The following IL1RAPL1 variants were observed in gnomAD, a reference collection of about 807,000 sequenced individuals.
The protein encoded by IL1RAPL1 is interleukin 1 receptor accessory protein like 1, also known as interleukin-1 receptor accessory protein-like 1.
In IL1RAPL1, 3 loss-of-function variants were observed where a neutral mutation model predicts 48.4. That is an observed-to-expected ratio of 0.06 (90% CI 0.03 to 0.16). The LOEUF (loss-of-function observed/expected upper bound fraction) is 0.16, where lower values mean the gene tolerates loss of function less well. Among genes scored for constraint, IL1RAPL1 ranks in the 10% least tolerant of loss-of-function variants. The pLI, the probability that IL1RAPL1 is intolerant of heterozygous loss-of-function variation, is 1.00. For synonymous variants in IL1RAPL1, 185 were observed against 187.7 expected, an observed-to-expected ratio of 0.99 and a Z score of 0.12; for missense variants, 349 against 530.6, an observed-to-expected ratio of 0.66 and a Z score of 3.36.
intron 2 of IL1RAPL1, among the ~76,000 whole-genome samples, chrX:29,103,676 G>A (rs1043253118): frequency 5.4e-5 from 6 of 111,326 alleles, no homozygotes; most frequent in Non-Finnish European, 1.1e-4. Flanking sequence ...TCAGAAAAGA[G>A]AAGACACAGC....
chrX:29,418,108 TATATA>T, intron 5 of IL1RAPL1, among the ~76,000 whole-genome samples: 1 of 41,379 alleles, frequency 2.4e-5, no homozygotes, highest in South Asian at 1.2e-3. Context: ...TATATATATA[TATATA>T]TATATATATA....
At chrX:29,381,901 A>T (rs1170758926) in intron 3 of IL1RAPL1, among the ~76,000 whole-genome samples, 3 of 104,758 alleles carry the variant, frequency 2.9e-5, no homozygotes, top group African/African-American at 7.1e-5. Flanking sequence ...TAGACATAAT[A>T]AATGGTAGAT....
chrX:29,701,266 T>C (rs1265764398), intron 6 of IL1RAPL1, among the ~76,000 whole-genome samples: 1 of 111,868 alleles, frequency 8.9e-6, no homozygotes, highest in Non-Finnish European at 1.9e-5. Flanking sequence ...TTTAATACCT[T>C]GATGTTCAAT....
intron 2 of IL1RAPL1, among the ~76,000 whole-genome samples, chrX:29,098,629 A>G (rs1358439413): frequency 8.9e-6 from 1 of 111,827 alleles, no homozygotes; most frequent in Non-Finnish European, 1.9e-5. Flanking sequence ...GCCTTGAGTC[A>G]GAATCTGAAA....
At chrX:28,876,447 A>C (rs781486309) in intron 2 of IL1RAPL1, among the ~76,000 whole-genome samples, 92 of 111,927 alleles carry the variant, frequency 8.2e-4, no homozygotes, top group African/African-American at 2.8e-3. Flanking sequence ...CAGATTTAGA[A>C]GAGCATTAGA....
At chrX:28,989,723 C>T (rs765148505) in intron 2 of IL1RAPL1, among the ~76,000 whole-genome samples, 3 of 111,796 alleles carry the variant, frequency 2.7e-5, no homozygotes, top group South Asian at 3.7e-4. Context: ...TCAAGATTTC[C>T]CTGTGAACAT....
chrX:29,699,082 C>G (rs1298045817), intron 6 of IL1RAPL1, among the ~76,000 whole-genome samples: 1 of 111,947 alleles, frequency 8.9e-6, no homozygotes, highest in Admixed American at 9.5e-5. Context: ...ATTAATTCAT[C>G]TTTTTTAACA....
At position 29,677,732 on chromosome X, in the gene IL1RAPL1, C is replaced by T. The variant is rs956943354; in HGVS notation, c.778+9228C>T. ...AAATGTCCTCATTGTGACTTTCTGC[C>T]TCCTCTGAGGAAATATTACATTTTA... On this transcript the variant is annotated intron_variant, in intron 6 of 10. Transcript: ENST00000378993. 2.7e-5 allele frequency among the ~76,000 whole-genome samples: 3 copies of T among 112,185 alleles called. No individual in the cohort carries two copies. The Admixed American group carries it at 2.8e-4, about 11-fold the overall frequency.
intron 2 of IL1RAPL1, among the ~76,000 whole-genome samples, chrX:28,848,340 A>C (rs1178736537): frequency 9.0e-6 from 1 of 111,195 alleles, no homozygotes; most frequent in African/African-American, 3.3e-5. Flanking sequence ...TAAATAAATA[A>C]ATAAAATGAA....
At chrX:29,082,909 G>C (rs930605333) in intron 2 of IL1RAPL1, among the ~76,000 whole-genome samples, 11 of 111,651 alleles carry the variant, frequency 9.9e-5, no homozygotes, top group African/African-American at 3.6e-4. Flanking sequence ...AATCCAAGGA[G>C]GATGTAACAT....
intron 6 of IL1RAPL1, among the ~76,000 whole-genome samples, chrX:29,695,571 G>C (rs1173003353): frequency 9.5e-6 from 1 of 105,273 alleles, no homozygotes; most frequent in Non-Finnish European, 1.9e-5. Context: ...TTCTCATTTA[G>C]ACTTTCCTTG....
intron 2 of IL1RAPL1, among the ~76,000 whole-genome samples, chrX:29,135,085 TA>T (rs1929097772): frequency 8.9e-6 from 1 of 112,186 alleles, no homozygotes; most frequent in Admixed American, 9.5e-5. Flanking sequence ...TATCATCAAA[TA>T]TCTAAATAAT....
At chrX:29,839,358 C>G (rs931943750) in intron 6 of IL1RAPL1, among the ~76,000 whole-genome samples, 2 of 111,977 alleles carry the variant, frequency 1.8e-5, no homozygotes, top group Non-Finnish European at 3.8e-5. Context: ...TATTTATGCA[C>G]TCCCATTTAT....
At chrX:29,041,348 C>T (rs1926841996) in intron 2 of IL1RAPL1, among the ~76,000 whole-genome samples, 1 of 111,461 alleles carries the variant, frequency 9.0e-6, no homozygotes, top group Non-Finnish European at 1.9e-5. Flanking sequence ...TGCATGTAGC[C>T]ACCAACTTTT....
At chrX:28,745,606 A>G (rs1935965705) in intron 1 of IL1RAPL1, among the ~76,000 whole-genome samples, 1 of 111,775 alleles carries the variant, frequency 8.9e-6, no homozygotes, top group African/African-American at 3.3e-5. Flanking sequence ...TCTACATTTC[A>G]GAGTTATTAG....
At chrX:29,703,534 G>A (rs964867857) in intron 6 of IL1RAPL1, among the ~76,000 whole-genome samples, 1 of 110,848 alleles carries the variant, frequency 9.0e-6, no homozygotes, top group Non-Finnish European at 1.9e-5. Context: ...TAGTAGAGAC[G>A]GGGTTTCACC....
At chrX:29,520,879 A>G (rs1006693611) in intron 5 of IL1RAPL1, among the ~76,000 whole-genome samples, 1 of 111,382 alleles carries the variant, frequency 9.0e-6, no homozygotes, top group Non-Finnish European at 1.9e-5. Flanking sequence ...TTTTGCCATG[A>G]AGAGGGAGAA....
At chrX:29,101,567 C>T (rs1928337952) in intron 2 of IL1RAPL1, among the ~76,000 whole-genome samples, 1 of 111,693 alleles carries the variant, frequency 9.0e-6, no homozygotes, top group Admixed American at 9.5e-5. Context: ...AACTATAGGC[C>T]AATATCCCAG....
Position 28,922,405 on chromosome X carries a change from G to A in IL1RAPL1, c.82+132980G>A, listed in dbSNP as rs1173494100. ...ATTTCCACTTCAAGATTCCATCATC[G>A]GCACATATCAAATACTGTTGGCAAT... On this transcript the variant is annotated intron_variant, in intron 2 of 10. Transcript: ENST00000378993. 2.7e-5 allele frequency among the ~76,000 whole-genome samples: 3 copies of A among 111,303 alleles called. No homozygotes were observed. The East Asian group carries it at 8.5e-4, about 32-fold the overall frequency.
Sources: gnomAD v4.1 joint callset for allele counts (sites outside exome capture counted in the v4.1 genomes callset) on GRCh38, gnomAD v4.1.1 for gene constraint, MANE v1.5 for transcripts, NCBI Gene and HGNC (gene_info 2026-07-23, HGNC 2026-07-21) for gene names.